Variants in PLEKHO2 observed in about 807,000 individuals in gnomAD.
PLEKHO2 encodes the protein pleckstrin homology domain-containing family O member 2.
PLEKHO2 carries 20 observed loss-of-function variants against 32.7 expected under a neutral mutation model. That is an observed-to-expected ratio of 0.61 (90% confidence interval 0.43 to 0.89). The LOEUF (loss-of-function observed/expected upper bound fraction) is 0.89. Ranked by LOEUF, PLEKHO2 falls within the 40% of genes least tolerant of loss-of-function variation. PLEKHO2 has a pLI of 0.00. For missense variants in PLEKHO2, 568 were observed against 621.2 expected (o/e 0.91, Z 0.91); for synonymous variants, 247 against 246.3 (o/e 1.00, Z -0.03).
chr15:64,854,735 C>T (rs1567096543), intron 2 of PLEKHO2, among the ~76,000 whole-genome samples, 186 bp from the exon 3 acceptor site: 1 of 152,222 alleles, frequency 6.6e-6, no homozygotes, highest in African/African-American at 2.4e-5. Flanking sequence ...GTGGGCATCC[C>T]TCCAGCCAGC....
At chr15:64,860,717 T>C (rs1038710140) in intron 4 of PLEKHO2, among the ~76,000 whole-genome samples, 10 of 152,230 alleles carry the variant, frequency 6.6e-5, no homozygotes, top group Non-Finnish European at 1.5e-4. Context: ...TGTCCTGTGT[T>C]ACATGTCATG....
chr15:64,853,124 G>GT (rs751157781), intron 2 of PLEKHO2, among the ~76,000 whole-genome samples: 39 of 151,126 alleles, frequency 2.6e-4, no homozygotes, highest in Admixed American at 1.7e-3. Flanking sequence ...GAGCGACAGA[G>GT]TGAGACTCTG....
chr15:64,842,616 C>T (rs1408989918), intron 1 of PLEKHO2, among the ~76,000 whole-genome samples: 1 of 151,734 alleles, frequency 6.6e-6, no homozygotes, highest in East Asian at 1.9e-4. Context: ...GTATCTTTTC[C>T]CCCACTCTCT....
intron 2 of PLEKHO2, among the ~76,000 whole-genome samples, chr15:64,849,439 C>T (rs1384089684): frequency 6.8e-6 from 1 of 146,524 alleles, no homozygotes; most frequent in African/African-American, 2.5e-5. Flanking sequence ...AGCCACCACG[C>T]CTGGCCCTCT....
At chr15:64,855,489 T>C (rs1372761423) in intron 3 of PLEKHO2, among the ~76,000 whole-genome samples, 1 of 152,180 alleles carries the variant, frequency 6.6e-6, no homozygotes, top group African/African-American at 2.4e-5. Context: ...CCCAGGCCTT[T>C]GTGGGTGGGC....
At chr15:64,852,124 G>A (rs1049168392) in intron 2 of PLEKHO2, among the ~76,000 whole-genome samples, 1 of 152,158 alleles carries the variant, frequency 6.6e-6, no homozygotes, top group African/African-American at 2.4e-5. Flanking sequence ...CCCATGGCAG[G>A]ACTCGGCTCC....
intron 5 of PLEKHO2, among the ~76,000 whole-genome samples, 176 bp from the exon 6 acceptor site, chr15:64,864,723 C>T (rs2084668835): frequency 6.6e-6 from 1 of 152,142 alleles, no homozygotes; most frequent in East Asian, 1.9e-4. Flanking sequence ...GAAGATTCAT[C>T]AAGAAATCAC....
At chr15:64,849,935 C>T (rs943313049) in intron 2 of PLEKHO2, among the ~76,000 whole-genome samples, 7 of 151,360 alleles carry the variant, frequency 4.6e-5, no homozygotes, top group Non-Finnish European at 1.0e-4. Flanking sequence ...CCGAGGCAGG[C>T]GGATCACCTG....
chr15:64,842,380 C>CTG (rs1282999932), intron 1 of PLEKHO2, among the ~76,000 whole-genome samples: 443 of 33,084 alleles, frequency 0.013, 14 homozygotes, highest in Middle Eastern at 0.057. Context: ...TCCTGACTCT[C>CTG]TCTCTCTCTC....
At chr15:64,846,505 G>T (rs1177115481) in intron 1 of PLEKHO2, among the ~76,000 whole-genome samples, 1 of 152,076 alleles carries the variant, frequency 6.6e-6, no homozygotes, top group Non-Finnish European at 1.5e-5. Context: ...GTAGAGTTGG[G>T]GTTTCCCCAT....
intron 2 of PLEKHO2, among the ~76,000 whole-genome samples, chr15:64,852,977 G>A (rs553052599): frequency 6.6e-6 from 1 of 151,338 alleles, no homozygotes; most frequent in East Asian, 2.0e-4. Flanking sequence ...GTGAAACCAT[G>A]TCTCTACAAA....
intron 3 of PLEKHO2, among the ~76,000 whole-genome samples, chr15:64,859,564 T>C (rs992774952): frequency 2.6e-5 from 4 of 152,208 alleles, no homozygotes; most frequent in Non-Finnish European, 4.4e-5. Context: ...TGGGTTTGAA[T>C]GTAGACTGGG....
At chr15:64,846,462 G>A (rs928184331) in intron 1 of PLEKHO2, among the ~76,000 whole-genome samples, 15 of 152,018 alleles carry the variant, frequency 9.9e-5, no homozygotes, top group African/African-American at 3.4e-4. Flanking sequence ...ACAGGCGTGC[G>A]CCACCACCGC....
At chr15:64,848,781 A>C in intron 2 of PLEKHO2, 39 bp downstream of exon 2, 1 of 1,612,216 alleles carries the variant, frequency 6.2e-7, no homozygotes, top group Non-Finnish European at 8.5e-7. Flanking sequence ...GGGTTCTGGG[A>C]CAGGGGCAAA....
At chr15:64,860,882 C>T (rs1228305420) in intron 4 of PLEKHO2, among the ~76,000 whole-genome samples, 1 of 152,228 alleles carries the variant, frequency 6.6e-6, no homozygotes, top group Non-Finnish European at 1.5e-5. Flanking sequence ...CAGCTGGAGT[C>T]ACATGTGGGC....
chr15:64,863,243 G>A (rs1466785697), intron 5 of PLEKHO2, among the ~76,000 whole-genome samples: 2 of 152,072 alleles, frequency 1.3e-5, no homozygotes, highest in East Asian at 1.9e-4. Context: ...GCCTTGCAGC[G>A]TATTTTCTAA....
At chr15:64,864,581 C>T (rs142299216) in intron 5 of PLEKHO2, among the ~76,000 whole-genome samples, 327 of 152,238 alleles carry the variant, frequency 2.1e-3, no homozygotes, top group African/African-American at 7.4e-3. Context: ...CCCCTGCCAC[C>T]CAGGCTTGTA....
At chr15:64,842,874 A>G (rs533853308) in intron 1 of PLEKHO2, among the ~76,000 whole-genome samples, 1 of 152,342 alleles carries the variant, frequency 6.6e-6, no homozygotes, top group South Asian at 2.1e-4. Flanking sequence ...CGCAGCAAGC[A>G]CTTAATATAT....
In PLEKHO2 at chr15:64,864,939, T is replaced by C; in HGVS notation, c.524T>C (p.Leu175Pro). ...TCTGACGGTCTTCTGCGCCTGGATCTTGATGTTCCGGACAGTGGGCCACCA... is the reference window on the plus strand; with the variant it reads ...TCTGACGGTCTTCTGCGCCTGGATCCTGATGTTCCGGACAGTGGGCCACCA... The part of the protein sequence containing the change: ...AASDGLLRLD[L>P]DVPDSGPPVF... Residue 175 changes from leucine (L) to proline (P), a missense_variant, in exon 6 of 6, where the codon CTT (leucine) becomes CCT (proline). Transcript: ENST00000323544. The C allele has an allele frequency of 6.2e-7, 1 of 1,613,520 alleles. No homozygotes were observed. The highest frequency in any genetic ancestry group is 8.5e-7 in the Non-Finnish European group (1 of 1,179,598).
Sources: allele counts gnomAD v4.1 joint callset (sites outside exome capture counted in the v4.1 genomes callset), GRCh38; gene constraint gnomAD v4.1.1; transcripts MANE v1.5; gene names NCBI Gene and HGNC (gene_info 2026-07-23, HGNC 2026-07-21).